DCC: variants seen among roughly 807,000 people sequenced by gnomAD.
The protein encoded by DCC is netrin receptor DCC.
A neutral mutation model predicts 172.5 loss-of-function variants in DCC; 58 were observed. The ratio of observed to expected loss-of-function variants is 0.34; its 90% CI spans 0.27 to 0.42. The LOEUF is 0.42. DCC is among the 10% of genes least tolerant of loss of function. DCC has a pLI of 1.00. For synonymous variants in DCC, 709 were observed against 644.5 expected, an observed-to-expected ratio of 1.10 and a Z score of -1.52; for missense variants, 1,740 against 1,791.0, an observed-to-expected ratio of 0.97 and a Z score of 0.51.
At chr18:52,958,649 A>G (rs928749324) in intron 5 of DCC, among the ~76,000 whole-genome samples, 1 of 152,116 alleles carries the variant, frequency 6.6e-6, no homozygotes, top group Non-Finnish European at 1.5e-5. Context: ...AGACAGAAAG[A>G]TCAGGACTTG....
intron 1 of DCC, among the ~76,000 whole-genome samples, chr18:52,702,908 C>T (rs188370213): frequency 6.6e-6 from 1 of 152,262 alleles, no homozygotes; most frequent in East Asian, 1.9e-4. Context: ...TTTTCGGCTC[C>T]TATTTCCCAT....
rs113936980 is a variant in DCC at position 53,159,429 on chromosome 18, T to G, written c.1418+1917T>G. Among the ~76,000 whole-genome samples the G allele has an allele frequency of 7.9e-3, 1,201 of 152,298 alleles. 17 individuals are homozygous for G. The highest frequency in any genetic ancestry group is 0.027 in the African/African-American group (1,119 of 41,540). On this transcript the variant is annotated intron_variant, in intron 8 of 28. Transcript: ENST00000442544. ...GGCCATAGCTCAGCCATGCTTCCTT[T>G]ATTCTATTATTTTCAACATCTTTAC...
intron 2 of DCC, among the ~76,000 whole-genome samples, chr18:52,753,867 T>G (rs563378091): frequency 3.9e-5 from 6 of 152,324 alleles, no homozygotes; most frequent in African/African-American, 1.4e-4. Flanking sequence ...GTTTTTTTAC[T>G]TGTTTCTATA....
chr18:52,733,863 G>T (rs1207570269), intron 1 of DCC, among the ~76,000 whole-genome samples: 1 of 152,058 alleles, frequency 6.6e-6, no homozygotes, highest in Non-Finnish European at 1.5e-5. Flanking sequence ...AGATGAGAAT[G>T]AGGCATGATT....
intron 21 of DCC, among the ~76,000 whole-genome samples, chr18:53,427,725 C>G (rs1263845783): frequency 2.8e-5 from 4 of 143,610 alleles, no homozygotes; most frequent in Non-Finnish European, 6.0e-5. Context: ...TTTTTGTCCA[C>G]TCTCCCTTAT....
chr18:52,957,157 T>C (rs1402677068), intron 5 of DCC, among the ~76,000 whole-genome samples: 1 of 152,142 alleles, frequency 6.6e-6, no homozygotes, highest in Non-Finnish European at 1.5e-5. Flanking sequence ...GCTAGTTCAG[T>C]AAAATTGAAA....
intron 12 of DCC, among the ~76,000 whole-genome samples, chr18:53,259,093 C>T (rs1040861368): frequency 2.6e-5 from 4 of 151,984 alleles, no homozygotes; most frequent in Non-Finnish European, 5.9e-5. Flanking sequence ...TTATTTTGAG[C>T]CTGTGTGTGT....
At chr18:53,323,535 A>G (rs1267679759) in intron 14 of DCC, among the ~76,000 whole-genome samples, 7 of 152,170 alleles carry the variant, frequency 4.6e-5, no homozygotes, top group Non-Finnish European at 1.0e-4. Context: ...GAGAATAGCA[A>G]AGAAAGACAG....
intron 2 of DCC, among the ~76,000 whole-genome samples, chr18:52,846,284 G>A (rs2038887711): frequency 6.6e-6 from 1 of 152,142 alleles, no homozygotes; most frequent in South Asian, 2.1e-4. Context: ...GCACATGCCT[G>A]TAATCCCTGC....
chr18:52,925,578 T>C (rs1419040908), intron 5 of DCC, among the ~76,000 whole-genome samples: 12 of 152,018 alleles, frequency 7.9e-5, no homozygotes, highest in Non-Finnish European at 2.9e-5. Context: ...AATCCAGATA[T>C]ATTATGCTTT....
intron 2 of DCC, among the ~76,000 whole-genome samples, chr18:52,822,848 T>C (rs904474575): frequency 1.3e-5 from 2 of 152,226 alleles, no homozygotes; most frequent in Admixed American, 6.5e-5. Context: ...CATATTTTTA[T>C]AGATGCCTAA....
chr18:53,414,585 A>T (rs1469395160), intron 20 of DCC, among the ~76,000 whole-genome samples: 1 of 152,196 alleles, frequency 6.6e-6, no homozygotes, highest in Non-Finnish European at 1.5e-5. Context: ...GTGGTGGCTC[A>T]CACCTGTAAT....
chr18:52,825,285 G>A (rs186370157), intron 2 of DCC, among the ~76,000 whole-genome samples: 45 of 152,116 alleles, frequency 3.0e-4, no homozygotes, highest in African/African-American at 1.1e-3. Flanking sequence ...AAATGCACAT[G>A]ATTCTGCCTA....
intron 2 of DCC, among the ~76,000 whole-genome samples, chr18:52,884,013 A>G (rs980000596): frequency 2.7e-4 from 41 of 151,782 alleles, no homozygotes; most frequent in African/African-American, 9.9e-4. Flanking sequence ...CAGCACTTTA[A>G]GTATATCATG....
intron 2 of DCC, among the ~76,000 whole-genome samples, chr18:52,888,946 T>A (rs1327696089): frequency 6.6e-6 from 1 of 152,054 alleles, no homozygotes; most frequent in East Asian, 1.9e-4. Flanking sequence ...TACAAGCACA[T>A]GTATGAATAT....
intron 25 of DCC, among the ~76,000 whole-genome samples, chr18:53,485,717 T>C (rs1044393205): frequency 1.3e-5 from 2 of 152,086 alleles, no homozygotes; most frequent in African/African-American, 4.8e-5. Flanking sequence ...TTTTATCTTT[T>C]ATATATTTAA....
chr18:52,603,526 T>C (rs1243504062), intron 1 of DCC, among the ~76,000 whole-genome samples: 1 of 150,728 alleles, frequency 6.6e-6, no homozygotes, highest in Non-Finnish European at 1.5e-5. Flanking sequence ...AAAGTTTAAC[T>C]TAAAAAGTTG....
intron 5 of DCC, among the ~76,000 whole-genome samples, chr18:52,973,127 T>G (rs533704446): frequency 6.6e-6 from 1 of 152,346 alleles, no homozygotes; most frequent in African/African-American, 2.4e-5. Context: ...AAATGAGTGA[T>G]TGAATAGATG....
chr18:52,918,363 G>T (rs958376389), intron 3 of DCC, among the ~76,000 whole-genome samples: 6 of 152,074 alleles, frequency 3.9e-5, no homozygotes, highest in Non-Finnish European at 5.9e-5. Context: ...AATCAATTTA[G>T]TCAACAAGAC....
Sources: gnomAD v4.1 joint callset for allele counts (sites outside exome capture counted in the v4.1 genomes callset) on GRCh38, gnomAD v4.1.1 for gene constraint, MANE v1.5 for transcripts, NCBI Gene and HGNC (gene_info 2026-07-23, HGNC 2026-07-21) for gene names.